ADTRP: variants seen among roughly 807,000 people sequenced by gnomAD.
ADTRP encodes androgen-dependent TFPI-regulating protein.
ADTRP carries 20 observed loss-of-function variants against 27.0 expected under a neutral mutation model. The observed-to-expected ratio is 0.74, with a 90% CI of 0.52 to 1.08. The LOEUF is 1.08. Ranked by LOEUF, ADTRP falls within the 50% of genes least tolerant of loss-of-function variation. The probability of loss-of-function intolerance (pLI) is 0.00; values close to 1 mark genes in which losing one functional copy is unlikely to be tolerated. For missense variants in ADTRP, 251 were observed against 275.0 expected (o/e 0.91, Z 0.62); for synonymous variants, 101 against 105.2 (o/e 0.96, Z 0.25).
At chr6:11,763,523 T>C (rs1001717548) in intron 3 of ADTRP, among the ~76,000 whole-genome samples, 4 of 152,182 alleles carry the variant, frequency 2.6e-5, no homozygotes, top group African/African-American at 9.7e-5. Flanking sequence ...GCCAGCCCCA[T>C]GCAGAGGCAC....
chr6:11,745,170 A>ATC (rs56245898), intron 3 of ADTRP, among the ~76,000 whole-genome samples: 49,190 of 147,694 alleles, frequency 0.33, 8,766 homozygotes, highest in Non-Finnish European at 0.43. Context: ...GGGTTAGTCA[A>ATC]TCTCTCTCTC....
At chr6:11,742,327 CTT>C (rs1177783195) in intron 3 of ADTRP, among the ~76,000 whole-genome samples, 1 of 151,932 alleles carries the variant, frequency 6.6e-6, no homozygotes, top group Admixed American at 6.6e-5. Context: ...TTTTTTAACT[CTT>C]TAATTTTTTC....
At chr6:11,718,485 G>A (rs1761906490) in intron 5 of ADTRP, among the ~76,000 whole-genome samples, 1 of 152,210 alleles carries the variant, frequency 6.6e-6, no homozygotes, top group South Asian at 2.1e-4. Flanking sequence ...GCAGAGAAGG[G>A]AGCCTTTGAT....
intron 4 of ADTRP, among the ~76,000 whole-genome samples, chr6:11,734,256 C>T (rs577992653): frequency 6.6e-6 from 1 of 152,206 alleles, no homozygotes; most frequent in Non-Finnish European, 1.5e-5. Flanking sequence ...ATGGCAAACA[C>T]ATAGCATATA....
At chr6:11,735,707 C>T in intron 3 of ADTRP, 24 bp from the exon 4 acceptor site, 1 of 1,547,388 alleles carries the variant, frequency 6.5e-7, no homozygotes. Flanking sequence ...AATGGCAAAT[C>T]AGAATGGCAG....
intron 4 of ADTRP, among the ~76,000 whole-genome samples, chr6:11,730,844 G>T (rs1259169003): frequency 6.6e-6 from 1 of 152,234 alleles, no homozygotes. Context: ...GCATCAGTAG[G>T]TTTCTGGTCT....
chr6:11,763,587 G>T (rs1158788959), intron 3 of ADTRP, among the ~76,000 whole-genome samples: 1 of 152,196 alleles, frequency 6.6e-6, no homozygotes, highest in Non-Finnish European at 1.5e-5. Context: ...TGCCATAGTG[G>T]TGATTTCCCA....
intron 1 of ADTRP, among the ~76,000 whole-genome samples, chr6:11,777,105 A>G (rs573096109): frequency 1.3e-5 from 2 of 152,348 alleles, no homozygotes; most frequent in Admixed American, 1.3e-4. Flanking sequence ...AGGATTTGGT[A>G]GCTGATCAAT....
intron 1 of ADTRP, among the ~76,000 whole-genome samples, chr6:11,768,681 A>C (rs1190185302): frequency 6.6e-6 from 1 of 152,212 alleles, no homozygotes; most frequent in Non-Finnish European, 1.5e-5. Flanking sequence ...GGGGAATGTA[A>C]GGAGATGGAT....
Position 11,735,694 on chromosome 6 carries a change from G to GA in ADTRP, c.391-12dup, listed in dbSNP as rs749647939. The GA allele has an allele frequency of 6.3e-7, 1 of 1,591,788 alleles. No homozygotes were observed. The highest frequency in any genetic ancestry group is 8.6e-7 in the Non-Finnish European group (1 of 1,160,036). ...GAATATGAAAGTGTGCTGCAGGAGAGAAAATGGCAAATCAGAATGGCAGGG... is the reference window on the plus strand; with the variant it reads ...GAATATGAAAGTGTGCTGCAGGAGAGAAAAATGGCAAATCAGAATGGCAGGG... On this transcript the variant is annotated splice_polypyrimidine_tract_variant and intron_variant, in intron 3 of 5. Transcript: ENST00000414691.
At chr6:11,718,382 AT>A (rs761774491) in intron 5 of ADTRP, among the ~76,000 whole-genome samples, 77 of 152,098 alleles carry the variant, frequency 5.1e-4, no homozygotes, top group Admixed American at 8.5e-4. Context: ...TTGTGGGATG[AT>A]TTTCTCTTCC....
intron 1 of ADTRP, among the ~76,000 whole-genome samples, chr6:11,774,123 A>G (rs1763872473): frequency 6.7e-6 from 1 of 149,224 alleles, no homozygotes; most frequent in Admixed American, 6.8e-5. Context: ...CCTGGCCAAC[A>G]TGGTGCAACC....
intron 3 of ADTRP, among the ~76,000 whole-genome samples, chr6:11,759,905 G>A (rs1763343735): frequency 6.6e-6 from 1 of 152,156 alleles, no homozygotes; most frequent in Non-Finnish European, 1.5e-5. Flanking sequence ...CTGCAGTGGT[G>A]TGCTTTGAAG....
chr6:11,731,570 A>C (rs1762380374), intron 4 of ADTRP, among the ~76,000 whole-genome samples: 1 of 152,034 alleles, frequency 6.6e-6, no homozygotes, highest in African/African-American at 2.4e-5. Context: ...AGAATTACTG[A>C]CCCTTGCTCT....
chr6:11,729,212 C>T (rs1033394301), intron 4 of ADTRP, among the ~76,000 whole-genome samples: 3 of 152,090 alleles, frequency 2.0e-5, no homozygotes, highest in African/African-American at 4.8e-5. Flanking sequence ...CCTCAGGTCA[C>T]GTCTTTCCAG....
At chr6:11,765,519 C>A (rs1382300507) in intron 3 of ADTRP, among the ~76,000 whole-genome samples, 1 of 151,858 alleles carries the variant, frequency 6.6e-6, no homozygotes, top group Non-Finnish European at 1.5e-5. Flanking sequence ...AATGTCATTA[C>A]CTTCACAGAA....
chr6:11,748,908 C>T (rs1055073568), intron 3 of ADTRP, among the ~76,000 whole-genome samples: 3 of 152,158 alleles, frequency 2.0e-5, no homozygotes, highest in African/African-American at 4.8e-5. Flanking sequence ...CCAGGTTTAC[C>T]AGGTTTTGTT....
intron 3 of ADTRP, among the ~76,000 whole-genome samples, chr6:11,756,871 G>A (rs62395247): frequency 0.099 from 15,049 of 152,104 alleles, 936 homozygotes; most frequent in Non-Finnish European, 0.14. Context: ...CAAGGTGAGC[G>A]GTTTGTAGAG....
intron 3 of ADTRP, among the ~76,000 whole-genome samples, chr6:11,750,649 C>T (rs1445995804): frequency 6.6e-6 from 1 of 152,228 alleles, no homozygotes; most frequent in African/African-American, 2.4e-5. Context: ...CCAGCAAATT[C>T]ATCTATAATC....
Sources: allele counts gnomAD v4.1 joint callset (sites outside exome capture counted in the v4.1 genomes callset), GRCh38; gene constraint gnomAD v4.1.1; transcripts MANE v1.5; gene names NCBI Gene and HGNC (gene_info 2026-07-23, HGNC 2026-07-21).